Variants in ASPSCR1 observed in about 807,000 individuals in gnomAD.
The protein encoded by ASPSCR1 is ASPSCR1 tether for SLC2A4, UBX domain containing, also known as tether containing UBX domain for GLUT4.
ASPSCR1 carries 55 observed loss-of-function variants against 68.9 expected under a neutral mutation model. That is an observed-to-expected ratio of 0.80 (90% CI 0.64 to 1.00). ASPSCR1 has a LOEUF of 1.00. Among genes scored for constraint, ASPSCR1 ranks in the 50% least tolerant of loss-of-function variants. The probability of loss-of-function intolerance (pLI) is 0.00; values close to 1 mark genes in which losing one functional copy is unlikely to be tolerated. For synonymous variants in ASPSCR1, 352 were observed against 332.6 expected (o/e 1.06, Z -0.63); for missense variants, 765 against 762.2 (o/e 1.00, Z -0.04).
Position 81,979,213 on chromosome 17 carries a change from C to A in ASPSCR1, c.132C>A (p.Asp44Glu). Reference sequence around the variant, plus strand: ...TGGAGGACACGTGCCGGCGGCAGGACTTCAACCCCTGTGAATATGATCTGA... The same window carrying A: ...TGGAGGACACGTGCCGGCGGCAGGAATTCAACCCCTGTGAATATGATCTGA... ...QVLEDTCRRQDFNPCEYDLKF... is the reference protein window; with the variant it reads ...QVLEDTCRRQEFNPCEYDLKF... Residue 44 changes from aspartate (D) to glutamate (E), a missense_variant, in exon 2 of 16, where the codon GAC (aspartate) becomes GAA (glutamate). Transcript: ENST00000306739. The A allele has an allele frequency of 6.2e-7, 1 of 1,614,176 alleles. No individual in the cohort carries two copies. The highest frequency in any genetic ancestry group is 2.2e-5 in the East Asian group (1 of 44,890).
Position 81,985,503 on chromosome 17 carries a change from C to T in ASPSCR1, c.274-4C>T. ...GGAAGTTTCTCATGTCTTATACCCTCCAGGTTCGCATCGCTTTGCAGCTGG... is the reference window on the plus strand; with the variant it reads ...GGAAGTTTCTCATGTCTTATACCCTTCAGGTTCGCATCGCTTTGCAGCTGG... On this transcript the variant is annotated splice_polypyrimidine_tract_variant and splice_region_variant and intron_variant, in intron 3 of 15. Transcript: ENST00000306739. 2 of 1,613,914 alleles carry T rather than the reference C, an allele frequency of 1.2e-6. No individual in the cohort carries two copies. Among genetic ancestry groups the T allele is most frequent in the Non-Finnish European group, 1.7e-6 (2 of 1,179,888 alleles).
Position 81,996,006 on chromosome 17 carries a change from T to C in ASPSCR1, c.447T>C (p.Ala149=), listed in dbSNP as rs1567970676. ...VYTRDEVTGE[A]ALRGTTLQSL... is the part of the protein sequence containing the mutation. Reference sequence around the variant, plus strand: ...TCCTCCTGCAGGTGACGGGTGAAGCTGCCCTGCGGGGCACGACGCTGCAGT... The same window carrying C: ...TCCTCCTGCAGGTGACGGGTGAAGCCGCCCTGCGGGGCACGACGCTGCAGT... The change falls in exon 6 of 16, where the codon GCT becomes GCC. Residue 149 remains alanine (A), a synonymous_variant. Transcript: ENST00000306739. 2 of 1,609,962 alleles carry C rather than the reference T, an allele frequency of 1.2e-6. No homozygotes were observed. Among genetic ancestry groups the C allele is most frequent in the Non-Finnish European group, 1.7e-6 (2 of 1,179,106 alleles).
chr17:82,016,453 T>C, intron 12 of ASPSCR1, 23 bp from the exon 13 acceptor site: 1 of 1,544,900 alleles, frequency 6.5e-7, no homozygotes, highest in Non-Finnish European at 8.7e-7. Context: ...ACCCGGCCCC[T>C]GAGCCCCCCG....
intron 9 of ASPSCR1, 141 bp from the exon 10 acceptor site, chr17:82,010,661 C>T (rs2042906085): frequency 6.0e-6 from 5 of 835,062 alleles, no homozygotes; most frequent in Non-Finnish European, 9.8e-6. Context: ...AGTCAAAGCC[C>T]AGGCCCTGAT....
At chr17:82,001,403 G>A (rs1272002946) in intron 7 of ASPSCR1, among the ~76,000 whole-genome samples, 2 of 152,186 alleles carry the variant, frequency 1.3e-5, no homozygotes, top group Non-Finnish European at 2.9e-5. Flanking sequence ...ATGCCTCATG[G>A]GTGTCTGAGG....
chr17:81,979,279 CTG>C (rs2041718927), intron 2 of ASPSCR1, 40 bp downstream of exon 2: 1 of 1,595,562 alleles, frequency 6.3e-7, no homozygotes, highest in Non-Finnish European at 8.6e-7. Flanking sequence ...CTGAGTATAT[CTG>C]TGCCCCTGCC....
intron 4 of ASPSCR1, among the ~76,000 whole-genome samples, chr17:81,993,507 C>A (rs1396382101): frequency 6.6e-6 from 1 of 152,192 alleles, no homozygotes; most frequent in Non-Finnish European, 1.5e-5. Context: ...GCCACCGCGC[C>A]CGGCTGAGTC....
intron 1 of ASPSCR1, 122 bp from the exon 2 acceptor site, chr17:81,979,062 G>T: frequency 1.0e-6 from 1 of 979,008 alleles, no homozygotes; most frequent in African/African-American, 1.6e-5. Flanking sequence ...TCTTGTGCTT[G>T]GCTTTGCCTG....
intron 8 of ASPSCR1, 61 bp from the exon 9 acceptor site, chr17:82,009,425 G>A: frequency 6.7e-7 from 1 of 1,497,348 alleles, no homozygotes; most frequent in Non-Finnish European, 9.0e-7. Flanking sequence ...AGGAGCCCGG[G>A]GCCTGTTGCC....
chr17:81,979,184 G>A lies in ASPSCR1; in HGVS notation c.103G>A (p.Val35Ile). ...KVTPSTVLLQVLEDTCRRQDF... is the reference protein window; with the variant it reads ...KVTPSTVLLQILEDTCRRQDF... ...CACCATCCTTTCATCTCACCCCCAGGTTCTGGAGGACACGTGCCGGCGGCA... is the reference window on the plus strand; with the variant it reads ...CACCATCCTTTCATCTCACCCCCAGATTCTGGAGGACACGTGCCGGCGGCA... Residue 35 changes from valine to isoleucine, a missense_variant and splice_region_variant, in exon 2 of 16, where the codon GTT (valine) becomes ATT (isoleucine). Val to Ile is a conservative substitution (Grantham distance 29). Transcript: ENST00000306739. 1 of 1,614,028 alleles carries A rather than the reference G, an allele frequency of 6.2e-7. No homozygotes were observed. Among genetic ancestry groups the A allele is most frequent in the Non-Finnish European group, 8.5e-7 (1 of 1,179,960 alleles).
intron 11 of ASPSCR1, among the ~76,000 whole-genome samples, 167 bp downstream of exon 11, chr17:82,011,772 C>G (rs2042956241): frequency 6.6e-6 from 1 of 152,098 alleles, no homozygotes; most frequent in African/African-American, 2.4e-5. Flanking sequence ...GTGTGGAGAC[C>G]TAGGAGGGCC....
intron 7 of ASPSCR1, 100 bp from the exon 8 acceptor site, chr17:82,008,937 T>C: frequency 7.2e-7 from 1 of 1,395,802 alleles, no homozygotes; most frequent in Non-Finnish European, 9.3e-7. Flanking sequence ...TGGGCCCAGC[T>C]CCCAAGTCTG....
rs749602936 is a variant in ASPSCR1, at chr17:82,009,490, C to T, written c.1093C>T (p.Arg365Cys). The change falls in exon 9 of 16, where the codon CGC becomes TGC. Residue 365 changes from arginine (R) to cysteine (C), a missense_variant. Coordinates refer to ENST00000306739, the MANE Select transcript of ASPSCR1 (RefSeq NM_024083.4). ...RLAQLKSERK[R>C]LEEAPLVTKA... ...TCCTTCCCCTCCTCACCACAGGAAG[C>T]GCCTGGAAGAAGCCCCCTTGGTGAC... 1.1e-4 allele frequency: 176 copies of T among 1,577,610 alleles called. No homozygotes were observed. Among genetic ancestry groups the T allele is most frequent in the Admixed American group, 4.0e-4 (22 of 55,578 alleles).
chr17:81,978,673 G>C (rs879890065), intron 1 of ASPSCR1: 2 of 157,310 alleles, frequency 1.3e-5, no homozygotes, highest in South Asian at 1.7e-4. Context: ...CCAGGAGGCT[G>C]TTGGTGCCAG....
chr17:81,984,930 C>CG (rs2041926018), intron 3 of ASPSCR1, among the ~76,000 whole-genome samples: 1 of 126,390 alleles, frequency 7.9e-6, no homozygotes, highest in Non-Finnish European at 1.7e-5. Flanking sequence ...TGCACACACC[C>CG]CCACACCCGC....
At chr17:82,005,044 G>A (rs2042666241) in intron 7 of ASPSCR1, 6 of 152,304 alleles carry the variant, frequency 3.9e-5, no homozygotes, top group Admixed American at 3.9e-4. Context: ...CTGGGCGAGG[G>A]TCAGCTGCCA....
chr17:82,011,512 G>A (rs2042941735), intron 10 of ASPSCR1, 31 bp from the exon 11 acceptor site: 1 of 1,570,776 alleles, frequency 6.4e-7, no homozygotes. Flanking sequence ...TGGTGGAAGA[G>A]CTGTCTGTAT....
chr17:82,005,162 C>G (rs1048527816), intron 7 of ASPSCR1: 1 of 152,392 alleles, frequency 6.6e-6, no homozygotes, highest in Non-Finnish European at 1.5e-5. Flanking sequence ...GCCGAGTGTT[C>G]CGGAAATATT....
intron 7 of ASPSCR1, among the ~76,000 whole-genome samples, chr17:82,000,801 G>A (rs2042504189): frequency 6.6e-6 from 1 of 152,188 alleles, no homozygotes; most frequent in Admixed American, 6.5e-5. Flanking sequence ...GGAGAGGCTG[G>A]GGCTGCCCGG....
Sources: allele counts gnomAD v4.1 joint callset (sites outside exome capture counted in the v4.1 genomes callset), GRCh38; gene constraint gnomAD v4.1.1; transcripts MANE v1.5; gene names NCBI Gene and HGNC (gene_info 2026-07-23, HGNC 2026-07-21).